SEMA3A: variants seen among roughly 807,000 people sequenced by gnomAD.
SEMA3A encodes the protein semaphorin-3A.
Under a neutral mutation model 97.9 loss-of-function variants are expected in SEMA3A, and 29 were observed. That is an observed-to-expected ratio of 0.30 (90% CI 0.22 to 0.40). The LOEUF (loss-of-function observed/expected upper bound fraction) is 0.40. Among genes scored for constraint, SEMA3A ranks in the 10% least tolerant of loss-of-function variants. The pLI, the probability that SEMA3A is intolerant of heterozygous loss-of-function variation, is 1.00. For missense variants in SEMA3A, 763 were observed against 951.3 expected (o/e 0.80, Z 2.60); for synonymous variants, 321 against 323.7 (o/e 0.99, Z 0.09).
intron 3 of SEMA3A, among the ~76,000 whole-genome samples, chr7:84,121,066 T>G (rs1795596866): frequency 6.6e-6 from 1 of 150,462 alleles, no homozygotes; most frequent in Admixed American, 6.7e-5. Context: ...ATGTTATGTT[T>G]ATTGCACCGG....
intron 3 of SEMA3A, among the ~76,000 whole-genome samples, chr7:84,214,111 A>G (rs763069220): frequency 6.6e-6 from 1 of 152,236 alleles, no homozygotes; most frequent in Non-Finnish European, 1.5e-5. Context: ...TGCCCACAAT[A>G]AGCCAGACAT....
chr7:84,234,696 C>T (rs1799193545), intron 3 of SEMA3A, among the ~76,000 whole-genome samples: 1 of 152,048 alleles, frequency 6.6e-6, no homozygotes, highest in African/African-American at 2.4e-5. Context: ...TTATCCCCTC[C>T]ATTCCAGCCC....
intron 12 of SEMA3A, among the ~76,000 whole-genome samples, chr7:83,989,210 A>C (rs1190592102): frequency 4.6e-5 from 7 of 152,220 alleles, no homozygotes; most frequent in African/African-American, 1.7e-4. Context: ...AGCTAATGTA[A>C]TTGAAGTGAA....
intron 2 of SEMA3A, among the ~76,000 whole-genome samples, chr7:84,308,889 C>T (rs950357783): frequency 6.6e-6 from 1 of 151,440 alleles, no homozygotes; most frequent in Non-Finnish European, 1.5e-5. Flanking sequence ...GCCGTCTCAG[C>T]TCACTGCAAT....
chr7:84,316,555 T>C (rs2115890325), intron 2 of SEMA3A, among the ~76,000 whole-genome samples: 1 of 152,216 alleles, frequency 6.6e-6, no homozygotes, highest in Admixed American at 6.5e-5. Flanking sequence ...AAAGAGGTGC[T>C]ATAAGTCTAT....
chr7:84,350,134 A>T (rs1802401373), intron 2 of SEMA3A, among the ~76,000 whole-genome samples: 1 of 152,164 alleles, frequency 6.6e-6, no homozygotes. Context: ...GTTCCACATC[A>T]ATATATTTCC....
chr7:84,353,723 C>T (rs1298359710), intron 2 of SEMA3A, among the ~76,000 whole-genome samples: 2 of 151,616 alleles, frequency 1.3e-5, no homozygotes, highest in Non-Finnish European at 3.0e-5. Flanking sequence ...AAATCAAATT[C>T]TCAAATTTTC....
At chr7:84,194,408 G>A in intron 1 of SEMA3A, 67 bp downstream of exon 1, 1 of 1,005,558 alleles carries the variant, frequency 9.9e-7, no homozygotes. Flanking sequence ...TTGGGAGGGA[G>A]TTCAAGGAAT....
At chr7:84,086,913 C>T (rs1406978760) in intron 4 of SEMA3A, among the ~76,000 whole-genome samples, 2 of 118,978 alleles carry the variant, frequency 1.7e-5, no homozygotes, top group Non-Finnish European at 4.1e-5. Context: ...AGTAGCTACT[C>T]AGTAATTCTC....
chr7:84,307,754 C>G (rs1242731948), intron 2 of SEMA3A, among the ~76,000 whole-genome samples: 1 of 152,054 alleles, frequency 6.6e-6, no homozygotes, highest in East Asian at 1.9e-4. Flanking sequence ...TTCACTTTAA[C>G]AAAAGCTTTT....
chr7:84,014,775 G>A (rs1791028889), intron 6 of SEMA3A, among the ~76,000 whole-genome samples: 1 of 151,914 alleles, frequency 6.6e-6, no homozygotes, highest in Non-Finnish European at 1.5e-5. Flanking sequence ...GACTAGGTGG[G>A]CAGGGAAAAG....
At position 84,369,657 on chromosome 7, in the gene SEMA3A, C is replaced by A. The variant is rs868273489; in HGVS notation, c.-169+2167G>T. 2.2e-3 allele frequency among the ~76,000 whole-genome samples: 332 copies of A among 150,544 alleles called. 1 individual carries two copies. Among genetic ancestry groups the A allele is most frequent in the African/African-American group, 7.4e-3 (305 of 41,176 alleles). On this transcript the variant is annotated intron_variant, in intron 2 of 3. Transcript: ENST00000424555. ...ATTTATTCAAAATAGATTAGTTGAG[C>A]ATCTAGTATATTTCAGGTGAAAATC... is the stretch of plus-strand genomic sequence containing the variant.
chr7:84,436,634 TTATAA>T (rs1270253216), intron 1 of SEMA3A, among the ~76,000 whole-genome samples: 3 of 152,168 alleles, frequency 2.0e-5, no homozygotes, highest in Non-Finnish European at 4.4e-5. Context: ...TTTCTTTGTG[TTATAA>T]TATGATTTTA....
intron 1 of SEMA3A, among the ~76,000 whole-genome samples, chr7:84,149,883 A>G (rs1796575794): frequency 6.6e-6 from 1 of 152,218 alleles, no homozygotes. Flanking sequence ...AAGAAAGGGA[A>G]GTGTTATTGC....
chr7:84,370,275 G>A (rs1584270583), intron 2 of SEMA3A, among the ~76,000 whole-genome samples: 2 of 151,726 alleles, frequency 1.3e-5, no homozygotes, highest in Admixed American at 1.3e-4. Context: ...GATAATATAT[G>A]TGAGTCACAA....
At chr7:84,137,631 T>C (rs935830352) in intron 1 of SEMA3A, among the ~76,000 whole-genome samples, 6 of 144,288 alleles carry the variant, frequency 4.2e-5, no homozygotes, top group African/African-American at 1.6e-4. Flanking sequence ...ATACCCTTCA[T>C]CCTTACTTCC....
At chr7:84,414,786 AG>A (rs754279858) in intron 1 of SEMA3A, among the ~76,000 whole-genome samples, 1 of 152,116 alleles carries the variant, frequency 6.6e-6, no homozygotes, top group Non-Finnish European at 1.5e-5. Flanking sequence ...CTAAAAAGAC[AG>A]GTAACCAATT....
chr7:84,157,907 G>A (rs982527285), intron 1 of SEMA3A, among the ~76,000 whole-genome samples: 4 of 151,964 alleles, frequency 2.6e-5, no homozygotes, highest in Non-Finnish European at 4.4e-5. Context: ...CGCAAACTTC[G>A]TACCATGTTT....
At chr7:84,088,879 C>G (rs1794474048) in intron 4 of SEMA3A, among the ~76,000 whole-genome samples, 1 of 151,740 alleles carries the variant, frequency 6.6e-6, no homozygotes, top group African/African-American at 2.4e-5. Context: ...AGTGAGAAGC[C>G]TCCCTTGTTG....
Sources: allele counts gnomAD v4.1 joint callset (sites outside exome capture counted in the v4.1 genomes callset), GRCh38; gene constraint gnomAD v4.1.1; transcripts MANE v1.5; gene names NCBI Gene and HGNC (gene_info 2026-07-23, HGNC 2026-07-21).